PAX5: variants seen among roughly 807,000 people sequenced by gnomAD.
PAX5 encodes paired box protein Pax-5.
A neutral mutation model predicts 43.7 loss-of-function variants in PAX5; 9 were observed. The observed-to-expected ratio is 0.21, with a 90% confidence interval of 0.12 to 0.36. The LOEUF is 0.36. Among genes scored for constraint, PAX5 ranks in the 10% least tolerant of loss-of-function variants. The pLI is 1.00. For synonymous variants in PAX5, 228 were observed against 214.3 expected (o/e 1.06, Z -0.56); for missense variants, 383 against 532.7 (o/e 0.72, Z 2.77).
intron 5 of PAX5, among the ~76,000 whole-genome samples, chr9:36,985,183 G>C (rs1836288993): frequency 6.6e-6 from 1 of 152,194 alleles, no homozygotes; most frequent in Non-Finnish European, 1.5e-5. Context: ...TTGTCACCGG[G>C]TGGCACCAGG....
chr9:36,894,915 C>G (rs1827716697), intron 7 of PAX5, among the ~76,000 whole-genome samples: 1 of 152,252 alleles, frequency 6.6e-6, no homozygotes, highest in African/African-American at 2.4e-5. Flanking sequence ...CCCAGCTCTG[C>G]CACTTACCAG....
intron 6 of PAX5, among the ~76,000 whole-genome samples, chr9:36,960,635 A>G (rs918376237): frequency 2.0e-5 from 3 of 152,218 alleles, no homozygotes; most frequent in Non-Finnish European, 2.9e-5. Flanking sequence ...CAAGGTGAGC[A>G]GAATAATCCA....
chr9:36,926,620 T>A (rs953885736), intron 6 of PAX5, among the ~76,000 whole-genome samples: 3 of 152,262 alleles, frequency 2.0e-5, no homozygotes, highest in Non-Finnish European at 4.4e-5. Flanking sequence ...TTCATTGCTG[T>A]GTGCAAAGAC....
Position 36,882,401 on chromosome 9 carries a change from C to A in PAX5, c.911-296G>T, listed in dbSNP as rs1240692564. 2.6e-5 allele frequency among the ~76,000 whole-genome samples: 4 copies of A among 152,108 alleles called. No individual in the cohort carries two copies. The highest frequency in any genetic ancestry group is 9.7e-5 in the African/African-American group (4 of 41,430). The stretch of plus-strand genomic sequence containing the variant: ...GAACCCCCTGCTTGGGGAGGCTAGG[C>A]AATGCAGGTGACAGCACGCCCCGAC... On this transcript the variant is annotated intron_variant, in intron 7 of 9. Transcript: ENST00000358127. This position sits in a 1 kb window ranked among gnomAD's most constrained non-coding sequence, Gnocchi z 4.4.
chr9:36,923,046 T>C (rs1830303908), intron 7 of PAX5: 1 of 332,958 alleles, frequency 3.0e-6, no homozygotes, highest in Admixed American at 4.4e-5. Context: ...ACCCTAGGCC[T>C]CTGAACACTC....
At chr9:37,031,080 C>T (rs921001266) in intron 1 of PAX5, among the ~76,000 whole-genome samples, 6 of 152,258 alleles carry the variant, frequency 3.9e-5, no homozygotes, top group African/African-American at 1.4e-4. Context: ...ATTCCTGCCC[C>T]TGGATCAGGA....
At chr9:36,861,874 G>T (rs1479519749) in intron 8 of PAX5, among the ~76,000 whole-genome samples, 1 of 152,154 alleles carries the variant, frequency 6.6e-6, no homozygotes, top group Non-Finnish European at 1.5e-5. Context: ...GTTGTGAATA[G>T]ACTAAAGGGT....
intron 7 of PAX5, among the ~76,000 whole-genome samples, chr9:36,887,413 A>G (rs765950939): frequency 6.6e-6 from 1 of 152,218 alleles, no homozygotes; most frequent in Non-Finnish European, 1.5e-5. Flanking sequence ...CTTTTTATAA[A>G]TGGTGTTAGG....
chr9:37,005,061 G>T (rs1298196370), intron 4 of PAX5, among the ~76,000 whole-genome samples: 1 of 152,216 alleles, frequency 6.6e-6, no homozygotes, highest in Non-Finnish European at 1.5e-5. Context: ...AATATTAGCA[G>T]TTATACCCAT....
intron 6 of PAX5, among the ~76,000 whole-genome samples, chr9:36,962,319 T>G (rs1332622959): frequency 1.3e-5 from 2 of 152,196 alleles, no homozygotes; most frequent in Admixed American, 6.5e-5. Flanking sequence ...TGGAGGCCCA[T>G]GGAACCATCT....
chr9:37,026,779 G>C (rs2132539200), intron 1 of PAX5: 1 of 948,772 alleles, frequency 1.1e-6, no homozygotes. Context: ...AATGGTGCTA[G>C]CGCACCCGGG....
At chr9:36,947,717 T>C (rs1271610867) in intron 6 of PAX5, among the ~76,000 whole-genome samples, 3 of 152,114 alleles carry the variant, frequency 2.0e-5, no homozygotes, top group Non-Finnish European at 4.4e-5. Flanking sequence ...TGTGAACATA[T>C]ATATATATAT....
chr9:36,936,716 C>T (rs1230217460), intron 6 of PAX5, among the ~76,000 whole-genome samples: 1 of 152,178 alleles, frequency 6.6e-6, no homozygotes, highest in Non-Finnish European at 1.5e-5. Context: ...AAACTTCACT[C>T]CACATGGCCA....
chr9:36,996,002 A>C (rs1837358474), intron 5 of PAX5, among the ~76,000 whole-genome samples: 1 of 152,222 alleles, frequency 6.6e-6, no homozygotes, highest in African/African-American at 2.4e-5. Context: ...TTCATTCTGC[A>C]GCCGACACCT....
intron 9 of PAX5, 80 bp downstream of exon 9, chr9:36,846,763 G>A (rs796810132): frequency 5.5e-5 from 55 of 995,146 alleles, no homozygotes; most frequent in South Asian, 2.6e-4. Flanking sequence ...TCAGGATGTC[G>A]AGGGACCCAG....
At chr9:37,002,954 C>CG in intron 4 of PAX5, 178 bp from the exon 5 acceptor site, 1 of 672,586 alleles carries the variant, frequency 1.5e-6, no homozygotes, top group Non-Finnish European at 2.4e-6. Context: ...AGGCCTCGGG[C>CG]GGGCCGTGTG....
chr9:36,896,738 C>G lies in PAX5; in HGVS notation c.911-14633G>C, dbSNP rs1362749110. Among the ~76,000 whole-genome samples, 3 of 152,316 alleles carry G rather than the reference C, an allele frequency of 2.0e-5. No homozygotes were observed. The East Asian group carries it at 5.8e-4, about 29-fold the overall frequency. ...CCACTTTGTAAAACATGATTGATCA[C>G]CCCTGCCCTGCCTCCCTCATGGGTA... On this transcript the variant is annotated intron_variant, in intron 7 of 9. Transcript: ENST00000358127.
intron 6 of PAX5, among the ~76,000 whole-genome samples, chr9:36,936,671 A>G (rs1316717327): frequency 6.6e-6 from 1 of 152,218 alleles, no homozygotes. Context: ...GAAGACAGAA[A>G]GGTTATGTTG....
rs1222049885 is a variant in PAX5 at position 37,018,570 on chromosome 9, C to CAAA, written c.212+2063_212+2065dup. ...TGTGCCCATCAAATTCTTCAGTGAC[C>CAAA]AAAAAAAAAAAAAAAAAATCTGTGG... On this transcript the variant is annotated intron_variant, in intron 2 of 9. Coordinates refer to ENST00000358127, the MANE Select transcript of PAX5 (RefSeq NM_016734.3). 1.0e-3 allele frequency among the ~76,000 whole-genome samples: 71 copies of CAAA among 71,008 alleles called. 2 individuals carry two copies. Among genetic ancestry groups the CAAA allele is most frequent in the Non-Finnish European group, 1.3e-3 (45 of 34,430 alleles). The allele number at this position is 71,008 out of a possible 152,430, so 46.6% of individuals were successfully genotyped here.
Sources: gnomAD v4.1 joint callset for allele counts (sites outside exome capture counted in the v4.1 genomes callset) on GRCh38, gnomAD v4.1.1 for gene constraint, Gnocchi (gnomAD v3.1) non-coding constraint, MANE v1.5 for transcripts, NCBI Gene and HGNC (gene_info 2026-07-23, HGNC 2026-07-21) for gene names.